Variants in EXOC4 observed in about 807,000 individuals in gnomAD.
EXOC4 encodes the protein SEC8-like 1.
In EXOC4, 71 loss-of-function variants were observed where a neutral mutation model predicts 107.2. The ratio of observed to expected loss-of-function variants is 0.66; its 90% confidence interval spans 0.55 to 0.81. The LOEUF is 0.81. Among genes scored for constraint, EXOC4 ranks in the 30% least tolerant of loss-of-function variants. The pLI, the probability that EXOC4 is intolerant of heterozygous loss-of-function variation, is 0.00. For missense variants in EXOC4, 1,108 were observed against 1,189.6 expected (o/e 0.93, Z 1.01); for synonymous variants, 456 against 441.2 (o/e 1.03, Z -0.42).
intron 7 of EXOC4, among the ~76,000 whole-genome samples, chr7:133,407,298 C>T (rs36102420): frequency 2.5e-4 from 38 of 152,312 alleles, no homozygotes; most frequent in Admixed American, 1.2e-3. Context: ...CCACCATCCT[C>T]TTACTTTGCT....
intron 12 of EXOC4, among the ~76,000 whole-genome samples, chr7:133,910,155 C>T (rs1403977265): frequency 6.6e-6 from 1 of 152,164 alleles, no homozygotes; most frequent in African/African-American, 2.4e-5. Flanking sequence ...CTCCTGACCT[C>T]AGGTGATCCA....
chr7:133,349,092 A>G (rs1157633301), intron 5 of EXOC4, among the ~76,000 whole-genome samples: 1 of 150,738 alleles, frequency 6.6e-6, no homozygotes, highest in African/African-American at 2.4e-5. Flanking sequence ...TGATTATATC[A>G]TGTATGTAAT....
chr7:133,583,121 G>A (rs1801317102), intron 9 of EXOC4, among the ~76,000 whole-genome samples: 1 of 151,754 alleles, frequency 6.6e-6, no homozygotes. Flanking sequence ...TTTAGAGTGT[G>A]TTTTTTTTCT....
intron 10 of EXOC4, among the ~76,000 whole-genome samples, chr7:133,813,776 C>G (rs1797294921): frequency 6.6e-6 from 1 of 152,118 alleles, no homozygotes; most frequent in African/African-American, 2.4e-5. Context: ...TGTGCCTTCT[C>G]AATTTCATCT....
chr7:133,544,725 T>G (rs937316669), intron 9 of EXOC4, among the ~76,000 whole-genome samples: 2 of 151,898 alleles, frequency 1.3e-5, no homozygotes, highest in Non-Finnish European at 2.9e-5. Flanking sequence ...TCGAGGGAAT[T>G]AAAGCAATAA....
intron 11 of EXOC4, among the ~76,000 whole-genome samples, chr7:133,867,492 A>AG (rs1215000239): frequency 6.6e-6 from 1 of 152,112 alleles, no homozygotes; most frequent in Non-Finnish European, 1.5e-5. Context: ...GTGGATTTTT[A>AG]GGGGGGCATT....
chr7:134,015,570 G>A (rs1428402731), intron 17 of EXOC4, among the ~76,000 whole-genome samples: 1 of 152,176 alleles, frequency 6.6e-6, no homozygotes, highest in African/African-American at 2.4e-5. Context: ...TCAACTGGAA[G>A]GTGATTGCTA....
At chr7:133,367,838 G>A (rs1796281013) in intron 6 of EXOC4, among the ~76,000 whole-genome samples, 1 of 151,940 alleles carries the variant, frequency 6.6e-6, no homozygotes, top group African/African-American at 2.4e-5. Context: ...AAGAGTGGCT[G>A]TTATGACCAT....
chr7:133,287,349 C>T (rs989353771), intron 2 of EXOC4, among the ~76,000 whole-genome samples: 11 of 151,920 alleles, frequency 7.2e-5, no homozygotes, highest in Non-Finnish European at 2.9e-5. Flanking sequence ...CTTGCTCTGT[C>T]GCCCAGGCTG....
chr7:133,482,971 AC>A (rs1287020647), intron 9 of EXOC4, among the ~76,000 whole-genome samples: 1 of 151,844 alleles, frequency 6.6e-6, no homozygotes, highest in Non-Finnish European at 1.5e-5. Flanking sequence ...TCACAAATAC[AC>A]ACACATTCTG....
intron 17 of EXOC4, among the ~76,000 whole-genome samples, chr7:134,052,541 T>C (rs1795822629): frequency 6.6e-6 from 1 of 151,800 alleles, no homozygotes; most frequent in Non-Finnish European, 1.5e-5. Flanking sequence ...GTGAGACCCA[T>C]AGAGATAATA....
chr7:133,622,756 C>T, intron 9 of EXOC4, among the ~76,000 whole-genome samples: 1 of 152,072 alleles, frequency 6.6e-6, no homozygotes, highest in East Asian at 1.9e-4. Context: ...TGTCAAACTC[C>T]ATCACAATAT....
At chr7:133,433,474 A>C (rs1221984565) in intron 7 of EXOC4, among the ~76,000 whole-genome samples, 1 of 152,212 alleles carries the variant, frequency 6.6e-6, no homozygotes, top group Non-Finnish European at 1.5e-5. Flanking sequence ...GATGAAAAGC[A>C]CTGGCTCTGG....
intron 7 of EXOC4, among the ~76,000 whole-genome samples, chr7:133,474,948 A>G (rs1215489697): frequency 6.6e-6 from 1 of 152,188 alleles, no homozygotes; most frequent in Middle Eastern, 3.2e-3. Context: ...CATCATAGTA[A>G]GCCCTCAGTA....
intron 7 of EXOC4, among the ~76,000 whole-genome samples, chr7:133,402,626 A>G (rs1401991931): frequency 1.3e-5 from 2 of 151,676 alleles, no homozygotes; most frequent in South Asian, 4.2e-4. Context: ...AGCCTCCCAA[A>G]TAGCTGGGAT....
intron 9 of EXOC4, among the ~76,000 whole-genome samples, chr7:133,587,938 A>AC (rs1211201599): frequency 1.3e-5 from 2 of 152,060 alleles, no homozygotes; most frequent in African/African-American, 2.4e-5. Context: ...CTTAGGGGAG[A>AC]CTATAGACTG....
chr7:133,346,708 A>G (rs117288190), intron 5 of EXOC4, among the ~76,000 whole-genome samples: 4,893 of 152,230 alleles, frequency 0.032, 112 homozygotes, highest in Non-Finnish European at 0.049. Context: ...ATTTAATTCT[A>G]TTCAATAGTG....
intron 11 of EXOC4, among the ~76,000 whole-genome samples, chr7:133,846,119 A>G (rs1295484750): frequency 6.6e-6 from 1 of 152,168 alleles, no homozygotes; most frequent in Non-Finnish European, 1.5e-5. Context: ...AATCAAGCAA[A>G]AAAATAAGGG....
intron 9 of EXOC4, among the ~76,000 whole-genome samples, chr7:133,559,739 C>T (rs1364364): frequency 0.15 from 22,124 of 152,120 alleles, 2,009 homozygotes; most frequent in Non-Finnish European, 0.2. Context: ...CTTCATTTCT[C>T]ATTTCTTTTT....
Sources: allele counts gnomAD v4.1 joint callset (sites outside exome capture counted in the v4.1 genomes callset), GRCh38; gene constraint gnomAD v4.1.1; transcripts MANE v1.5; gene names NCBI Gene and HGNC (gene_info 2026-07-23, HGNC 2026-07-21).